The following SLC4A4 variants were observed in gnomAD, a reference collection of about 807,000 sequenced individuals.
SLC4A4 encodes electrogenic sodium bicarbonate cotransporter 1.
SLC4A4 carries 27 observed loss-of-function variants against 111.5 expected under a neutral mutation model. The ratio of observed to expected loss-of-function variants is 0.24; its 90% confidence interval spans 0.18 to 0.33. The LOEUF is 0.33. SLC4A4 is among the 10% of genes least tolerant of loss of function. The pLI is 1.00. For synonymous variants in SLC4A4, 443 were observed against 463.4 expected (o/e 0.96, Z 0.57); for missense variants, 909 against 1,315.5 (o/e 0.69, Z 4.78).
At chr4:71,452,015 A>G (rs1284498170) in intron 11 of SLC4A4, among the ~76,000 whole-genome samples, 1 of 152,066 alleles carries the variant, frequency 6.6e-6, no homozygotes, top group Non-Finnish European at 1.5e-5. Context: ...CTACCATTAG[A>G]TTGTTCCTTT....
chr4:71,102,407 G>C (rs1419279811), intron 2 of SLC4A4, among the ~76,000 whole-genome samples: 1 of 150,492 alleles, frequency 6.6e-6, no homozygotes, highest in African/African-American at 2.4e-5. Flanking sequence ...TTCAGATTCA[G>C]GAAATACAGA....
At chr4:71,436,935 G>T in intron 7 of SLC4A4, 1 of 294,630 alleles carries the variant, frequency 3.4e-6, no homozygotes, top group Non-Finnish European at 6.5e-6. Context: ...TGGGAAATGA[G>T]TTTGCCTATT....
chr4:71,103,711 C>A (rs2148947686), intron 2 of SLC4A4, among the ~76,000 whole-genome samples: 1 of 152,162 alleles, frequency 6.6e-6, no homozygotes, highest in Admixed American at 6.5e-5. Context: ...TAAAGATGTT[C>A]TTTGAAACCA....
At chr4:71,500,249 C>T (rs1291937915) in intron 16 of SLC4A4, among the ~76,000 whole-genome samples, 1 of 151,968 alleles carries the variant, frequency 6.6e-6, no homozygotes, top group Non-Finnish European at 1.5e-5. Flanking sequence ...CTATTCAGGT[C>T]CTCTGTCTAT....
intron 2 of SLC4A4, among the ~76,000 whole-genome samples, chr4:71,110,820 T>A (rs76051110): frequency 0.013 from 1,951 of 152,288 alleles, 47 homozygotes; most frequent in African/African-American, 0.044. Context: ...TGAAGTACTG[T>A]GTATAATTTA....
intron 2 of SLC4A4, among the ~76,000 whole-genome samples, chr4:71,166,641 T>A (rs1014178774): frequency 6.6e-6 from 1 of 152,200 alleles, no homozygotes; most frequent in Admixed American, 6.5e-5. Flanking sequence ...GAAATATGCA[T>A]CAGGGTTTTA....
intron 1 of SLC4A4, among the ~76,000 whole-genome samples, chr4:71,068,689 G>T (rs553060096): frequency 1.2e-4 from 18 of 152,016 alleles, no homozygotes; most frequent in Admixed American, 4.6e-4. Flanking sequence ...AGCCTCCCAA[G>T]TAGCTGAGAC....
chr4:71,373,416 C>T (rs943599900), intron 6 of SLC4A4, among the ~76,000 whole-genome samples: 4 of 152,062 alleles, frequency 2.6e-5, no homozygotes, highest in Non-Finnish European at 4.4e-5. Flanking sequence ...TTTCAATGGA[C>T]CTTATATATT....
At chr4:71,522,716 A>G (rs1733063544) in intron 16 of SLC4A4, among the ~76,000 whole-genome samples, 1 of 152,218 alleles carries the variant, frequency 6.6e-6, no homozygotes, top group Admixed American at 6.5e-5. Context: ...GAATTGGTGT[A>G]ATCATAAGAT....
At chr4:71,377,322 G>A (rs1042835100) in intron 6 of SLC4A4, among the ~76,000 whole-genome samples, 19 of 152,226 alleles carry the variant, frequency 1.2e-4, no homozygotes, top group African/African-American at 4.3e-4. Context: ...GGAAATAAAT[G>A]AAGTGTGGTG....
At chr4:71,433,805 A>G (rs969830583) in intron 7 of SLC4A4, among the ~76,000 whole-genome samples, 2 of 152,090 alleles carry the variant, frequency 1.3e-5, no homozygotes, top group African/African-American at 4.8e-5. Context: ...AAAATATTAT[A>G]AGGTGTTCAT....
chr4:71,079,149 A>ATAGT (rs1339417558), intron 1 of SLC4A4, among the ~76,000 whole-genome samples: 3 of 152,104 alleles, frequency 2.0e-5, no homozygotes, highest in Non-Finnish European at 4.4e-5. Context: ...GAGGTCATGA[A>ATAGT]TAGTTATTCC....
chr4:71,247,995 G>C (rs1185745362), intron 2 of SLC4A4, among the ~76,000 whole-genome samples: 1 of 152,104 alleles, frequency 6.6e-6, no homozygotes, highest in Non-Finnish European at 1.5e-5. Context: ...CCCAAATCAG[G>C]GTGGAGATTG....
intron 4 of SLC4A4, among the ~76,000 whole-genome samples, chr4:71,346,842 A>G (rs1729372474): frequency 6.6e-6 from 1 of 152,168 alleles, no homozygotes; most frequent in Non-Finnish European, 1.5e-5. Flanking sequence ...TTAGAGCAAT[A>G]CATTTTAAAG....
intron 1 of SLC4A4, among the ~76,000 whole-genome samples, chr4:71,194,467 A>AT (rs922351334): frequency 3.3e-5 from 5 of 151,876 alleles, no homozygotes; most frequent in African/African-American, 7.3e-5. Flanking sequence ...TGCTTTATAT[A>AT]TTTTTTTTCT....
chr4:71,158,441 G>A (rs1487373024), intron 2 of SLC4A4, among the ~76,000 whole-genome samples: 1 of 152,062 alleles, frequency 6.6e-6, no homozygotes, highest in Non-Finnish European at 1.5e-5. Context: ...TTTTTGAAAA[G>A]CTGGAATGTT....
intron 1 of SLC4A4, among the ~76,000 whole-genome samples, chr4:71,200,177 G>T (rs1746185432): frequency 6.6e-6 from 1 of 152,108 alleles, no homozygotes; most frequent in South Asian, 2.1e-4. Flanking sequence ...TACTATGCAG[G>T]GTCTGTGGAA....
At chr4:71,385,441 G>A (rs779399923) in intron 6 of SLC4A4, among the ~76,000 whole-genome samples, 6 of 151,452 alleles carry the variant, frequency 4.0e-5, no homozygotes, top group Non-Finnish European at 5.9e-5. Context: ...CAGGCAATCC[G>A]CCCACCTCAG....
At chr4:71,125,442 G>A (rs534037262) in intron 2 of SLC4A4, among the ~76,000 whole-genome samples, 13 of 152,274 alleles carry the variant, frequency 8.5e-5, no homozygotes, top group South Asian at 8.3e-4. Flanking sequence ...CGGCAGGGTG[G>A]CACAGGCCTC....
Sources: gnomAD v4.1 joint callset for allele counts (sites outside exome capture counted in the v4.1 genomes callset) on GRCh38, gnomAD v4.1.1 for gene constraint, MANE v1.5 for transcripts, NCBI Gene and HGNC (gene_info 2026-07-23, HGNC 2026-07-21) for gene names.